The following HERC1 variants were observed in gnomAD, a reference collection of about 807,000 sequenced individuals.
HERC1 encodes the protein HECT and RLD domain containing E3 ubiquitin protein ligase family member 1, also known as probable E3 ubiquitin-protein ligase HERC1.
In HERC1, 160 loss-of-function variants were observed where a neutral mutation model predicts 554.3. The observed-to-expected ratio is 0.29, with a 90% CI of 0.25 to 0.33. The LOEUF is 0.33. Ranked by LOEUF, HERC1 falls within the 10% of genes least tolerant of loss-of-function variation. HERC1 has a pLI of 1.00. For synonymous variants in HERC1, 2,175 were observed against 2,131.7 expected, an observed-to-expected ratio of 1.02 and a Z score of -0.56; for missense variants, 4,919 against 5,918.5, an observed-to-expected ratio of 0.83 and a Z score of 5.54.
chr15:63,716,437 G>A lies in HERC1; in HGVS notation c.4015C>T (p.Gln1339Ter). The A allele has an allele frequency of 6.2e-7, 1 of 1,613,544 alleles. No individual in the cohort carries two copies. Among genetic ancestry groups the A allele is most frequent in the Non-Finnish European group, 8.5e-7 (1 of 1,179,658 alleles). The change falls in exon 22 of 78, where the codon CAG (glutamine) becomes TAG (stop). Residue 1339 changes from glutamine to a stop codon, truncating the protein, a stop_gained. Coordinates refer to ENST00000443617, the MANE Select transcript of HERC1 (RefSeq NM_003922.4). LOFTEE classifies it high-confidence loss of function. ...ATAGTTCGAGTAAATGAATGCTCCT[G>A]AGGATCAACATCTGCAGAGTCCTGG... Reference protein sequence around the residue: ...ENQDSADVDPQEHSFTRTIDE... With the variant: ...ENQDSADVDP
At chr15:63,798,595 G>A (rs550009451) in intron 1 of HERC1, among the ~76,000 whole-genome samples, 25 of 149,132 alleles carry the variant, frequency 1.7e-4, no homozygotes, top group Non-Finnish European at 2.4e-4. Context: ...TTGAAAACTA[G>A]TGCTTTCTAA....
intron 1 of HERC1, among the ~76,000 whole-genome samples, chr15:63,788,486 T>G (rs1423318545): frequency 6.6e-6 from 1 of 152,244 alleles, no homozygotes; most frequent in Non-Finnish European, 1.5e-5. Flanking sequence ...TTTTAGGGCA[T>G]AGAGCAAAGA....
Position 63,665,926 on chromosome 15 carries a change from T to C in HERC1, c.8548A>G (p.Ser2850Gly). Residue 2850 changes from serine (S) to glycine (G), a missense_variant, in exon 42 of 78, where the codon AGT becomes GGT. This residue lies in a region of HERC1 where 1,963 missense variants were observed against 2,228.6 expected (regional missense o/e 0.88). Transcript: ENST00000443617. Reference protein sequence around the residue: ...ADAAEMEEGFSESPDNLDHTE... With the variant: ...ADAAEMEEGFGESPDNLDHTE... The stretch of plus-strand genomic sequence containing the variant: ...CAGAAACTGGAATTTCACCTTTCAC[T>C]AAAACCTTCCTCCATTTCAGCAGCA... 6.2e-7 allele frequency: 1 copy of C among 1,611,864 alleles called. No homozygotes were observed. Among genetic ancestry groups the C allele is most frequent in the East Asian group, 2.2e-5 (1 of 44,862 alleles).
chr15:63,612,086 G>A lies in HERC1; in HGVS notation c.14400+165C>T, dbSNP rs1432694597. On this transcript the variant is annotated intron_variant, in intron 77 of 77. Transcript: ENST00000443617. This position sits in a 1 kb window ranked among gnomAD's most constrained non-coding sequence, Gnocchi z 5.0. ...ACCTGTAGTCCCAGCTACTGCGGAG[G>A]CTGAGGCAGGAGAACTGCTTGAAGC... Among the ~76,000 whole-genome samples, 1 of 152,220 alleles carries A rather than the reference G, an allele frequency of 6.6e-6. No individual in the cohort carries two copies. The highest frequency in any genetic ancestry group is 1.5e-5 in the Non-Finnish European group (1 of 68,028).
chr15:63,699,466 T>G (rs555118977), intron 25 of HERC1, among the ~76,000 whole-genome samples: 1 of 152,158 alleles, frequency 6.6e-6, no homozygotes, highest in South Asian at 2.1e-4. Context: ...TGTCTACATA[T>G]CTGCAATGAA....
chr15:63,666,609 A>G (rs2070655055), intron 40 of HERC1, 137 bp from the exon 41 acceptor site: 1 of 603,132 alleles, frequency 1.7e-6, no homozygotes, highest in Non-Finnish European at 2.9e-6. Flanking sequence ...GTGGCTGGGC[A>G]CTGTGGCTCA....
intron 33 of HERC1, 116 bp downstream of exon 33, chr15:63,689,473 A>C (rs1219904582): frequency 3.4e-6 from 2 of 596,338 alleles, no homozygotes; most frequent in Non-Finnish European, 6.0e-6. Flanking sequence ...GAATGCCAAG[A>C]GAGGAAATGG....
At chr15:63,736,575 ACTTTTAGCATCCATCAGT>A (rs1175236661) in intron 12 of HERC1, among the ~76,000 whole-genome samples, 1 of 151,824 alleles carries the variant, frequency 6.6e-6, no homozygotes, top group Admixed American at 6.6e-5. Flanking sequence ...TGTGTAGAGA[ACTTTTAGCATCCATCAGT>A]CTTTTAGCAT....
chr15:63,829,577 A>G (rs765439844), intron 1 of HERC1, among the ~76,000 whole-genome samples: 12,529 of 136,892 alleles, frequency 0.092, 739 homozygotes, highest in Middle Eastern at 0.13. Context: ...ATATATATAT[A>G]TATATATATA....
At chr15:63,655,611 T>G in intron 50 of HERC1, 131 bp downstream of exon 50, 2 of 632,148 alleles carry the variant, frequency 3.2e-6, no homozygotes, top group East Asian at 2.8e-5. Context: ...AAAGTATCTA[T>G]GCACTTCTTT....
chr15:63,676,359 T>G (rs1043738451), intron 37 of HERC1, among the ~76,000 whole-genome samples: 1 of 152,116 alleles, frequency 6.6e-6, no homozygotes, highest in African/African-American at 2.4e-5. Flanking sequence ...CCCCTGAAAT[T>G]GTGTGTAAAG....
rs533681803 is a variant in HERC1, at chr15:63,788,170, A to C, written c.-26-12521T>G. Among the ~76,000 whole-genome samples the C allele has an allele frequency of 4.6e-5, 7 of 152,268 alleles. No homozygotes were observed. The South Asian group carries it at 1.2e-3, about 27-fold the overall frequency. On this transcript the variant is annotated intron_variant, in intron 1 of 77. Transcript: ENST00000443617. ...GAAAAAGACAGTTAACAAACAAATG[A>C]ATTTGGGTTTCTATTCTATAATCCA...
In HERC1 at chr15:63,612,895, T is replaced by C. The variant is rs911197096; in HGVS notation, c.14095-339A>G. Among the ~76,000 whole-genome samples, 2 of 152,354 alleles carry C rather than the reference T, an allele frequency of 1.3e-5. No individual in the cohort carries two copies. The highest frequency in any genetic ancestry group is 2.9e-5 in the Non-Finnish European group (2 of 68,040). ...TCATATTCCTAATCATATGTGCCCA[T>C]GTGCTGTCAAACTATGCATGTGTGG... On this transcript the variant is annotated intron_variant, in intron 76 of 77. Transcript: ENST00000443617. The surrounding 1 kb of genome is among the most constrained non-coding windows in gnomAD (Gnocchi z 5.0).
rs2142113970 is a variant in HERC1 at position 63,758,333 on chromosome 15, C to T, written c.1063G>A (p.Ala355Thr). ...RMASDYSRTC[A>T]SPDSIQTGDA... ...CCAGTCTGAATGCTATCTGGGCTAG[C>T]ACATGTTCTCGAATAATCAGAAGCC... Residue 355 changes from alanine to threonine, a missense_variant, in exon 4 of 78, where the codon GCT becomes ACT. By Grantham distance (58) the Ala-to-Thr change is moderately conservative (BLOSUM62 0). This residue lies in a region of HERC1 where 744 missense variants were observed against 1,090.0 expected (regional missense o/e 0.68). Transcript: ENST00000443617. This position sits in a 1 kb window ranked among gnomAD's most constrained non-coding sequence, Gnocchi z 4.0. 6.2e-7 allele frequency: 1 copy of T among 1,600,602 alleles called. No individual in the cohort carries two copies. The highest frequency in any genetic ancestry group is 1.3e-5 in the African/African-American group (1 of 74,836).
chr15:63,687,178 TA>T (rs1259642950), intron 33 of HERC1, among the ~76,000 whole-genome samples: 6 of 152,210 alleles, frequency 3.9e-5, no homozygotes, highest in Non-Finnish European at 8.8e-5. Context: ...AACATCATTT[TA>T]CCAAGGATAT....
chr15:63,804,185 AAGAAAACATAGG>A, intron 1 of HERC1, among the ~76,000 whole-genome samples: 1 of 152,384 alleles, frequency 6.6e-6, no homozygotes, highest in Middle Eastern at 3.4e-3. Context: ...AAGTCTCTAG[AAGAAAACATAGG>A]AGAAAATCTT....
intron 1 of HERC1, among the ~76,000 whole-genome samples, chr15:63,788,735 G>A (rs1341058287): frequency 4.6e-5 from 7 of 151,928 alleles, no homozygotes; most frequent in Non-Finnish European, 1.0e-4. Context: ...TGACCAACGT[G>A]GTGAAGCCCC....
chr15:63,638,521 C>T lies in HERC1; in HGVS notation c.11983G>A (p.Gly3995Ser), dbSNP rs1216140432. Reference sequence around the variant, plus strand: ...CCCCATAAGTAGACATCACATTTACCTCCCAGGTGCCAGTCCTAGAAAACC... The same window carrying T: ...CCCCATAAGTAGACATCACATTTACTTCCCAGGTGCCAGTCCTAGAAAACC... ...TSRPEDWHLG[G>S]KCDVYLWGAG... The change falls in exon 63 of 78, where the codon GGT becomes AGT. Residue 3995 changes from glycine (G) to serine (S), a missense_variant. By Grantham distance (56) the Gly-to-Ser change is moderately conservative. This residue lies in a region of HERC1 where 122 missense variants were observed against 195.2 expected (regional missense o/e 0.63). Transcript: ENST00000443617. 3.1e-6 allele frequency: 5 copies of T among 1,613,728 alleles called. No individual in the cohort carries two copies. Among genetic ancestry groups the T allele is most frequent in the Non-Finnish European group, 1.7e-6 (2 of 1,179,812 alleles).
intron 3 of HERC1, among the ~76,000 whole-genome samples, chr15:63,762,837 C>T (rs544419111): frequency 1.6e-4 from 25 of 152,250 alleles, no homozygotes; most frequent in South Asian, 2.1e-4. Flanking sequence ...CTGAGTGTTG[C>T]GAGGGAAACT....
Sources: allele counts gnomAD v4.1 joint callset (sites outside exome capture counted in the v4.1 genomes callset), GRCh38; gene constraint gnomAD v4.1.1; regional missense constraint gnomAD v4.1.1; non-coding constraint Gnocchi (gnomAD v3.1); transcripts MANE v1.5; gene names NCBI Gene and HGNC (gene_info 2026-07-23, HGNC 2026-07-21).